Variants in BBS9 observed in about 807,000 individuals in gnomAD.
BBS9 encodes Bardet-Biedl syndrome 9, also known as protein PTHB1.
A neutral mutation model predicts 117.7 loss-of-function variants in BBS9; 89 were observed. The observed-to-expected ratio is 0.76, with a 90% CI of 0.64 to 0.90. The LOEUF is 0.90. Ranked by LOEUF, BBS9 falls within the 40% of genes least tolerant of loss-of-function variation. BBS9 has a pLI of 0.00. For synonymous variants in BBS9, 379 were observed against 370.9 expected (o/e 1.02, Z -0.25); for missense variants, 982 against 1,042.2 (o/e 0.94, Z 0.80).
chr7:33,498,679 G>T (rs923871946), intron 19 of BBS9, among the ~76,000 whole-genome samples: 28 of 152,174 alleles, frequency 1.8e-4, no homozygotes, highest in African/African-American at 6.5e-4. Flanking sequence ...ATTTTGTAGC[G>T]TGTATAAGTA....
At chr7:33,547,932 A>C (rs41470452) in intron 21 of BBS9, among the ~76,000 whole-genome samples, 15,542 of 152,244 alleles carry the variant, frequency 0.1, 1,168 homozygotes, top group Admixed American at 0.28. Flanking sequence ...TGAATCTAGG[A>C]TTAGAGTTGG....
intron 21 of BBS9, among the ~76,000 whole-genome samples, chr7:33,593,376 CTT>C: frequency 6.6e-6 from 1 of 152,190 alleles, no homozygotes; most frequent in South Asian, 2.1e-4. Flanking sequence ...TGATTGAAGA[CTT>C]TAACAAAATA....
At chr7:33,521,764 A>G (rs1218565798) in intron 20 of BBS9, among the ~76,000 whole-genome samples, 1 of 148,350 alleles carries the variant, frequency 6.7e-6, no homozygotes, top group African/African-American at 2.5e-5. Context: ...TTTTTATTAT[A>G]CTTTAAGTTT....
At chr7:33,165,951 G>C (rs1435212924) in intron 4 of BBS9, among the ~76,000 whole-genome samples, 1 of 152,130 alleles carries the variant, frequency 6.6e-6, no homozygotes, top group Non-Finnish European at 1.5e-5. Context: ...TTCTGCTCTG[G>C]TTTCTCCCCA....
At chr7:33,616,051 G>T (rs1182371075) in intron 21 of BBS9, among the ~76,000 whole-genome samples, 1 of 151,992 alleles carries the variant, frequency 6.6e-6, no homozygotes, top group Non-Finnish European at 1.5e-5. Flanking sequence ...TGTGTTAAAA[G>T]AAGTGATTCA....
At chr7:33,361,661 TTCTTAA>T (rs1402664908) in intron 16 of BBS9, among the ~76,000 whole-genome samples, 3 of 152,164 alleles carry the variant, frequency 2.0e-5, no homozygotes. Flanking sequence ...TGTTTAATTT[TTCTTAA>T]CTACTTGCAT....
intron 5 of BBS9, among the ~76,000 whole-genome samples, chr7:33,210,071 T>C (rs961742720): frequency 1.1e-4 from 16 of 152,188 alleles, no homozygotes; most frequent in African/African-American, 3.9e-4. Context: ...CTGTATTTCA[T>C]AGGTTTCGGT....
chr7:33,386,141 AAAAAT>A (rs1182718606), intron 18 of BBS9, among the ~76,000 whole-genome samples: 5 of 152,332 alleles, frequency 3.3e-5, no homozygotes, highest in Admixed American at 1.3e-4. Flanking sequence ...AAAAAAATAA[AAAAAT>A]AAAAAGAAGA....
intron 19 of BBS9, among the ~76,000 whole-genome samples, chr7:33,454,045 C>G (rs1184017078): frequency 6.6e-6 from 1 of 152,064 alleles, no homozygotes; most frequent in Non-Finnish European, 1.5e-5. Flanking sequence ...GTCAACTATA[C>G]ATGTTACTCT....
At chr7:33,533,836 A>C in intron 20 of BBS9, 118 bp from the exon 21 acceptor site, 1 of 1,202,646 alleles carries the variant, frequency 8.3e-7, no homozygotes, top group Non-Finnish European at 1.2e-6. Context: ...CAGATACCAC[A>C]CTCTTCACAG....
At position 33,259,218 on chromosome 7, in the gene BBS9, A is replaced by G. The variant is rs533042987; in HGVS notation, c.617+1808A>G. Among the ~76,000 whole-genome samples, 4 of 152,340 alleles carry G rather than the reference A, an allele frequency of 2.6e-5. No individual in the cohort carries two copies. The South Asian group carries it at 8.3e-4, about 32-fold the overall frequency. On this transcript the variant is annotated intron_variant, in intron 6 of 22. Transcript: ENST00000242067. Reference sequence around the variant, plus strand: ...TAATATAATATAATCAATTAATAGAATAGGCTTTTAACACATAACTCATTT... The same window carrying G: ...TAATATAATATAATCAATTAATAGAGTAGGCTTTTAACACATAACTCATTT...
chr7:33,439,533 C>CTTT (rs11384028), intron 19 of BBS9, among the ~76,000 whole-genome samples: 9,359 of 131,258 alleles, frequency 0.071, 477 homozygotes, highest in East Asian at 0.14. Flanking sequence ...TTTTTATCAC[C>CTTT]TTTTTTTTTT....
In BBS9 at chr7:33,184,558, A is replaced by C. The variant is rs183415063; in HGVS notation, c.442+6967A>C. On this transcript the variant is annotated intron_variant, in intron 5 of 22. Coordinates refer to ENST00000242067, the MANE Select transcript of BBS9 (RefSeq NM_198428.3). ...TCGAGAATCCTTACTTTTTATTAAG[A>C]GGGTCATTTAACCCATTCTGTCTTA... 5.3e-5 allele frequency among the ~76,000 whole-genome samples: 8 copies of C among 152,296 alleles called. No homozygotes were observed. The East Asian group carries it at 1.5e-3, about 29-fold the overall frequency.
chr7:33,419,094 G>T (rs368318654), intron 19 of BBS9, among the ~76,000 whole-genome samples: 1 of 151,176 alleles, frequency 6.6e-6, no homozygotes, highest in African/African-American at 2.4e-5. Context: ...CATGTGAATT[G>T]GTCCTTACAT....
At chr7:33,484,650 C>T (rs1016339442) in intron 19 of BBS9, among the ~76,000 whole-genome samples, 5 of 151,956 alleles carry the variant, frequency 3.3e-5, no homozygotes, top group African/African-American at 7.3e-5. Context: ...CAGATGCTGG[C>T]GAGGTTGTGG....
intron 5 of BBS9, among the ~76,000 whole-genome samples, chr7:33,183,291 C>T (rs1798345661): frequency 6.6e-6 from 1 of 151,426 alleles, no homozygotes; most frequent in African/African-American, 2.4e-5. Context: ...TCGTGTGCAT[C>T]AAGAATGTCA....
chr7:33,363,623 A>G (rs540816856), intron 16 of BBS9, among the ~76,000 whole-genome samples: 1 of 152,050 alleles, frequency 6.6e-6, no homozygotes, highest in South Asian at 2.1e-4. Flanking sequence ...TTGAATAGAA[A>G]TGGTGAGAAC....
chr7:33,498,301 C>T (rs1008678394), intron 19 of BBS9, among the ~76,000 whole-genome samples: 2 of 152,112 alleles, frequency 1.3e-5, no homozygotes, highest in Non-Finnish European at 2.9e-5. Flanking sequence ...AGGAATTATA[C>T]TTGCAAAGTA....
intron 5 of BBS9, among the ~76,000 whole-genome samples, chr7:33,198,496 GA>G (rs1785291871): frequency 6.6e-6 from 1 of 151,848 alleles, no homozygotes; most frequent in Admixed American, 6.6e-5. Context: ...ATGTTAAGTA[GA>G]AACAAAATGT....
Sources: allele counts gnomAD v4.1 joint callset (sites outside exome capture counted in the v4.1 genomes callset), GRCh38; gene constraint gnomAD v4.1.1; transcripts MANE v1.5; gene names NCBI Gene and HGNC (gene_info 2026-07-23, HGNC 2026-07-21).